ADGRG5: variants seen among roughly 807,000 people sequenced by gnomAD.
The protein encoded by ADGRG5 is adhesion G protein-coupled receptor G5.
Under a neutral mutation model 53.2 loss-of-function variants are expected in ADGRG5, and 37 were observed. The observed-to-expected ratio is 0.70, with a 90% CI of 0.53 to 0.91. The LOEUF is 0.91. Ranked by LOEUF, ADGRG5 falls within the 40% of genes least tolerant of loss-of-function variation. The pLI, the probability that ADGRG5 is intolerant of heterozygous loss-of-function variation, is 0.00. For synonymous variants in ADGRG5, 277 were observed against 290.4 expected (o/e 0.95, Z 0.47); for missense variants, 614 against 675.8 (o/e 0.91, Z 1.01).
intron 1 of ADGRG5, among the ~76,000 whole-genome samples, chr16:57,551,501 C>T (rs1315883681): frequency 1.3e-5 from 2 of 152,102 alleles, no homozygotes; most frequent in African/African-American, 4.8e-5. Context: ...TTCAAAAAAC[C>T]ACTCATTGTT....
At chr16:57,537,842 C>G (rs2032427191), upstream of ADGRG5, among the ~76,000 whole-genome samples, 1 of 152,164 alleles carries the variant, frequency 6.6e-6, no homozygotes, top group Non-Finnish European at 1.5e-5. Context: ...TTGAAAGCGT[C>G]TGTTCACCAG....
At chr16:57,536,774 C>T in the ADGRG5 span, among the ~76,000 whole-genome samples, 1 of 152,100 alleles carries the variant, frequency 6.6e-6, no homozygotes, top group African/African-American at 2.4e-5. Flanking sequence ...GGCTCTGCTG[C>T]AGAGCGGGCC....
At chr16:57,557,074 T>C (rs2032901253) in intron 1 of ADGRG5, among the ~76,000 whole-genome samples, 1 of 152,008 alleles carries the variant, frequency 6.6e-6, no homozygotes, top group Non-Finnish European at 1.5e-5. Context: ...CATGCCTGAC[T>C]AAGTTTTGTA....
intron 10 of ADGRG5, 152 bp downstream of exon 10, chr16:57,570,687 C>A (rs1475908565): frequency 1.6e-6 from 1 of 612,668 alleles, no homozygotes; most frequent in Non-Finnish European, 2.9e-6. Flanking sequence ...CAGGGGGCTC[C>A]ACCACATCCC....
intron 11 of ADGRG5, 84 bp from the exon 12 acceptor site, chr16:57,575,354 G>T: frequency 7.6e-7 from 1 of 1,315,464 alleles, no homozygotes. Flanking sequence ...GGGCCCCAGG[G>T]AGGCCAGCTC....
intron 10 of ADGRG5, among the ~76,000 whole-genome samples, chr16:57,571,445 G>T (rs544053278): frequency 1.3e-5 from 2 of 152,076 alleles, no homozygotes; most frequent in East Asian, 3.9e-4. Flanking sequence ...CAGGGCCGGG[G>T]GACTGCGTGC....
chr16:57,536,944 T>A, the ADGRG5 span, among the ~76,000 whole-genome samples: 1 of 152,126 alleles, frequency 6.6e-6, no homozygotes, highest in Non-Finnish European at 1.5e-5. Flanking sequence ...GCTTACCAAG[T>A]CTTCACTGTT....
the ADGRG5 span, among the ~76,000 whole-genome samples, chr16:57,530,017 T>G: frequency 6.6e-6 from 1 of 152,290 alleles, no homozygotes; most frequent in Admixed American, 6.5e-5. Flanking sequence ...AGAAAATGAT[T>G]ACCTCCATTT....
rs1274724818 is a variant in ADGRG5 at position 57,567,534 on chromosome 16, G to C, written c.764G>C (p.Gly255Ala). 1.9e-6 allele frequency: 3 copies of C among 1,611,798 alleles called. No homozygotes were observed. Among genetic ancestry groups the C allele is most frequent in the Middle Eastern group, 1.7e-4 (1 of 6,060 alleles). ...CCTCTTACGTACATCTCCCTCGTGG[G>C]CTGCAGCATCTCCATCGTGGCCTCG... is the stretch of plus-strand genomic sequence containing the variant. Reference protein sequence around the residue: ...LAPLTYISLVGCSISIVASLI... With the variant: ...LAPLTYISLVACSISIVASLI... The change falls in exon 8 of 12, where the codon GGC (glycine) becomes GCC (alanine). Residue 255 changes from glycine (G) to alanine (A), a missense_variant. Coordinates refer to ENST00000349457, the MANE Select transcript of ADGRG5 (RefSeq NM_001304376.3).
chr16:57,563,046 C>T (rs201311124), intron 3 of ADGRG5, 45 bp from the exon 4 acceptor site: 1,165 of 1,611,040 alleles, frequency 7.2e-4, no homozygotes, highest in Non-Finnish European at 9.2e-4. Flanking sequence ...TCACCCTTAC[C>T]CCACTCCGGG....
chr16:57,555,368 G>T (rs2032859101), intron 1 of ADGRG5, among the ~76,000 whole-genome samples: 1 of 152,078 alleles, frequency 6.6e-6, no homozygotes, highest in African/African-American at 2.4e-5. Flanking sequence ...AGATCTGATG[G>T]TTTTATAAGC....
chr16:57,564,215 T>C (rs2033075658), intron 5 of ADGRG5, among the ~76,000 whole-genome samples: 2 of 152,136 alleles, frequency 1.3e-5, no homozygotes, highest in African/African-American at 2.4e-5. Flanking sequence ...AAACCTACGA[T>C]GTGCCTGTCG....
chr16:57,531,681 A>G, the ADGRG5 span, among the ~76,000 whole-genome samples: 1 of 152,108 alleles, frequency 6.6e-6, no homozygotes, highest in African/African-American at 2.4e-5. Flanking sequence ...TCCCAGCAGG[A>G]GCCGCAAGCC....
In ADGRG5 at chr16:57,567,951, T is replaced by C. The variant is rs778622786; in HGVS notation, c.917T>C (p.Met306Thr). Residue 306 changes from methionine (M) to threonine (T), a missense_variant, in exon 9 of 12, where the codon ATG (methionine) becomes ACG (threonine). Transcript: ENST00000349457. ...IAFLLSPAFA[M>T]SPVPGSACTA... is the part of the protein sequence containing the mutation. Reference sequence around the variant, plus strand: ...TTCCTGCTGAGCCCCGCATTCGCAATGTCTCCTGTGCCCGGGTCAGCATGC... The same window carrying C: ...TTCCTGCTGAGCCCCGCATTCGCAACGTCTCCTGTGCCCGGGTCAGCATGC... 3.7e-6 allele frequency: 6 copies of C among 1,613,886 alleles called. No individual in the cohort carries two copies. The highest frequency in any genetic ancestry group is 2.7e-5 in the African/African-American group (2 of 74,888).
chr16:57,574,731 C>A lies in ADGRG5; in HGVS notation c.1209-84C>A. On this transcript the variant is annotated intron_variant, in intron 10 of 11. Transcript: ENST00000349457. This position sits in a 1 kb window ranked among gnomAD's most constrained non-coding sequence, Gnocchi z 4.4. Reference sequence around the variant, plus strand: ...AAACAATAGGGCCTGAGCCAGGAGACCGAGTGGGGCTTCAGGGAGTGATGC... The same window carrying A: ...AAACAATAGGGCCTGAGCCAGGAGAACGAGTGGGGCTTCAGGGAGTGATGC... The A allele has an allele frequency of 7.1e-7, 1 of 1,415,050 alleles. No homozygotes were observed. Among genetic ancestry groups the A allele is most frequent in the Non-Finnish European group, 9.5e-7 (1 of 1,057,584 alleles). The allele number at this position is 1,415,050 out of a possible 1,614,324, so 87.7% of individuals were successfully genotyped here.
At chr16:57,531,663 C>T in the ADGRG5 span, among the ~76,000 whole-genome samples, 1 of 152,138 alleles carries the variant, frequency 6.6e-6, no homozygotes, top group African/African-American at 2.4e-5. Context: ...ACTCCAAATA[C>T]TCTCCAATCC....
chr16:57,531,727 CCT>C, the ADGRG5 span, among the ~76,000 whole-genome samples: 33 of 152,156 alleles, frequency 2.2e-4, 1 homozygote. Context: ...CCCCCATGTC[CCT>C]CTCTTTCCCA....
In ADGRG5 at chr16:57,574,850, T is replaced by C; in HGVS notation, c.1244T>C (p.Leu415Pro). Reference sequence around the variant, plus strand: ...CGGAGCCCCGTGGTGCACAGTGTCCTGGTCATGGGCTACGGCGGCCTCACG... The same window carrying C: ...CGGAGCCCCGTGGTGCACAGTGTCCCGGTCATGGGCTACGGCGGCCTCACG... ...WVRSPVVHSV[L>P]VMGYGGLTSL... Residue 415 changes from leucine to proline, a missense_variant, in exon 11 of 12, where the codon CTG (leucine) becomes CCG (proline). By Grantham distance (98) the Leu-to-Pro change is moderately conservative (BLOSUM62 -3). Coordinates refer to ENST00000349457, the MANE Select transcript of ADGRG5 (RefSeq NM_001304376.3). This position sits in a 1 kb window ranked among gnomAD's most constrained non-coding sequence, Gnocchi z 4.4. 6.2e-7 allele frequency: 1 copy of C among 1,607,774 alleles called. No homozygotes were observed. Among genetic ancestry groups the C allele is most frequent in the Non-Finnish European group, 8.5e-7 (1 of 1,176,952 alleles).
chr16:57,577,140 G>A lies in ADGRG5; in HGVS notation c.*1602G>A, dbSNP rs2033537800. On this transcript the variant is annotated 3_prime_UTR_variant, in exon 12 of 12. Coordinates refer to ENST00000349457, the MANE Select transcript of ADGRG5 (RefSeq NM_001304376.3). ...TAGTGGTACCTATTTTGAAGACTAA[G>A]TAAAAGAATTCAAATAAAGAGACTT... 1.3e-5 allele frequency: 2 copies of A among 152,206 alleles called. No homozygotes were observed. Among genetic ancestry groups the A allele is most frequent in the East Asian group, 1.9e-4 (1 of 5,200 alleles). 9.4% of individuals were successfully genotyped at this position (152,206 alleles called of 1,614,324 possible). A position where few individuals can be genotyped will look rare whatever the true frequency, so the allele number is the denominator to read the frequency against.
Sources: gnomAD v4.1 joint callset for allele counts (sites outside exome capture counted in the v4.1 genomes callset) on GRCh38, gnomAD v4.1.1 for gene constraint, Gnocchi (gnomAD v3.1) non-coding constraint, MANE v1.5 for transcripts, NCBI Gene and HGNC (gene_info 2026-07-23, HGNC 2026-07-21) for gene names.